CNTN5: variants seen among roughly 807,000 people sequenced by gnomAD.
CNTN5 encodes the protein contactin 5, also known as contactin-5.
A neutral mutation model predicts 129.1 loss-of-function variants in CNTN5; 77 were observed. The observed-to-expected ratio is 0.60, with a 90% CI of 0.50 to 0.72. The LOEUF (loss-of-function observed/expected upper bound fraction) is 0.72, where lower values mean the gene tolerates loss of function less well. CNTN5 is among the 30% of genes least tolerant of loss of function. CNTN5 has a pLI of 0.00. For synonymous variants in CNTN5, 509 were observed against 465.6 expected, an observed-to-expected ratio of 1.09 and a Z score of -1.20; for missense variants, 1,478 against 1,328.8, an observed-to-expected ratio of 1.11 and a Z score of -1.75.
chr11:99,962,805 C>T (rs997333594), intron 8 of CNTN5, among the ~76,000 whole-genome samples: 1 of 151,882 alleles, frequency 6.6e-6, no homozygotes, highest in Non-Finnish European at 1.5e-5. Context: ...TTCTCCACAT[C>T]ATCTGCAGCA....
chr11:99,490,866 A>T (rs1416848767), intron 2 of CNTN5, among the ~76,000 whole-genome samples: 1 of 152,080 alleles, frequency 6.6e-6, no homozygotes, highest in African/African-American at 2.4e-5. Flanking sequence ...ATCCTTAGGG[A>T]ATCCTCTGGG....
intron 1 of CNTN5, among the ~76,000 whole-genome samples, chr11:99,321,035 T>G (rs1865548087): frequency 6.6e-6 from 1 of 152,130 alleles, no homozygotes; most frequent in Non-Finnish European, 1.5e-5. Context: ...TGTTTTTTTG[T>G]TTTTCTTTTC....
chr11:99,261,093 A>G (rs1453727831), intron 1 of CNTN5, among the ~76,000 whole-genome samples: 1 of 151,660 alleles, frequency 6.6e-6, no homozygotes, highest in Non-Finnish European at 1.5e-5. Context: ...TCAACCAGTA[A>G]AAAAAATGCA....
chr11:99,863,670 A>G (rs916651238), intron 6 of CNTN5, among the ~76,000 whole-genome samples: 2 of 152,208 alleles, frequency 1.3e-5, no homozygotes, highest in East Asian at 3.8e-4. Context: ...CAAATATTCT[A>G]CTTTAGTTCA....
At chr11:100,173,426 G>A (rs1241601595) in intron 13 of CNTN5, among the ~76,000 whole-genome samples, 2 of 152,084 alleles carry the variant, frequency 1.3e-5, no homozygotes, top group Non-Finnish European at 2.9e-5. Flanking sequence ...CAGACTTGCC[G>A]ATTAGCTCTT....
At position 100,297,695 on chromosome 11, in the gene CNTN5, G is replaced by A. The variant is rs747329789; in HGVS notation, c.2385G>A (p.Glu795=). Residue 795 remains glutamate (E), a splice_region_variant and synonymous_variant, in exon 19 of 25, where the codon GAG becomes GAA. Transcript: ENST00000524871. ...GRRHELVIAW[E]PVSEEFQNGE... is the part of the protein sequence containing the mutation. ...GGCATGAGTTAGTCATTGCCTGGGA[G>A]GTAAGAAAAACACATCCTCTCACAA... 6.3e-6 allele frequency: 10 copies of A among 1,594,210 alleles called. No individual in the cohort carries two copies. Among genetic ancestry groups the A allele is most frequent in the Non-Finnish European group, 8.6e-6 (10 of 1,168,042 alleles).
chr11:99,810,383 G>T (rs1946394188), intron 3 of CNTN5, among the ~76,000 whole-genome samples: 1 of 152,088 alleles, frequency 6.6e-6, no homozygotes, highest in Non-Finnish European at 1.5e-5. Flanking sequence ...TACCAGGAAT[G>T]CAGTGCCGTT....
chr11:99,096,807 A>T (rs1454841664), intron 1 of CNTN5, among the ~76,000 whole-genome samples: 1 of 151,756 alleles, frequency 6.6e-6, no homozygotes, highest in Non-Finnish European at 1.5e-5. Context: ...TCTCGCTGTC[A>T]TACTGCTTGC....
intron 13 of CNTN5, among the ~76,000 whole-genome samples, chr11:100,138,466 G>A (rs1440196661): frequency 6.6e-6 from 1 of 151,922 alleles, no homozygotes; most frequent in East Asian, 1.9e-4. Context: ...TGTGTTAAGT[G>A]CAATGGAGAA....
At chr11:99,971,235 C>A (rs1591503841) in intron 8 of CNTN5, among the ~76,000 whole-genome samples, 1 of 152,046 alleles carries the variant, frequency 6.6e-6, no homozygotes, top group South Asian at 2.1e-4. Context: ...ATTTTATTCA[C>A]CCTTTCTCAT....
intron 12 of CNTN5, 71 bp from the exon 13 acceptor site, chr11:100,074,073 T>G: frequency 7.2e-7 from 1 of 1,382,770 alleles, no homozygotes; most frequent in Non-Finnish European, 9.9e-7. Flanking sequence ...AGTTACAAGA[T>G]CTTCATGAAT....
At chr11:100,205,477 A>T (rs1948893689) in intron 15 of CNTN5, among the ~76,000 whole-genome samples, 1 of 152,058 alleles carries the variant, frequency 6.6e-6, no homozygotes, top group Non-Finnish European at 1.5e-5. Context: ...TCCTTTTTCC[A>T]TCTGGTATCC....
chr11:99,304,166 C>G (rs1335126494), intron 1 of CNTN5, among the ~76,000 whole-genome samples: 4 of 152,076 alleles, frequency 2.6e-5, no homozygotes, highest in Admixed American at 1.3e-4. Flanking sequence ...TTATGTTTGT[C>G]TTTGAAGTGC....
Position 100,285,616 on chromosome 11 carries a change from C to T in CNTN5, c.2315-12009C>T, listed in dbSNP as rs538059318. 2.5e-4 allele frequency among the ~76,000 whole-genome samples: 38 copies of T among 152,348 alleles called. No individual in the cohort carries two copies. In the South Asian group the frequency reaches 7.7e-3, roughly 31 times the overall value. ...TGTTGAATGAAAGACTATGCTAACA[C>T]ATTTTTCCACACATTCAAATGTCTT... On this transcript the variant is annotated intron_variant, in intron 18 of 24. Transcript: ENST00000524871.
intron 1 of CNTN5, among the ~76,000 whole-genome samples, chr11:99,185,214 G>T (rs147171534): frequency 6.6e-6 from 1 of 151,852 alleles, no homozygotes; most frequent in Admixed American, 6.6e-5. Context: ...TGTAGAGAGG[G>T]TGAGCATAGG....
At chr11:99,953,637 G>A (rs1950727758) in intron 7 of CNTN5, among the ~76,000 whole-genome samples, 1 of 1,692 alleles carries the variant, frequency 5.9e-4, no homozygotes. Context: ...GAGGATGAAT[G>A]ATCATGCCAA....
intron 3 of CNTN5, among the ~76,000 whole-genome samples, chr11:99,735,319 T>C (rs189603506): frequency 6.6e-6 from 1 of 152,352 alleles, no homozygotes; most frequent in Admixed American, 6.5e-5. Context: ...TTAACTCCTC[T>C]ACTTTGATAT....
At chr11:99,307,288 A>AT (rs575617274) in intron 1 of CNTN5, among the ~76,000 whole-genome samples, 18 of 151,404 alleles carry the variant, frequency 1.2e-4, no homozygotes, top group South Asian at 4.2e-4. Flanking sequence ...GTCTCACAGT[A>AT]TTTTTTTTTC....
intron 24 of CNTN5, among the ~76,000 whole-genome samples, chr11:100,352,516 C>A (rs1445040039): frequency 6.6e-6 from 1 of 151,516 alleles, no homozygotes; most frequent in Non-Finnish European, 1.5e-5. Flanking sequence ...AACAATAAAG[C>A]AAGAATGATA....
Sources: gnomAD v4.1 joint callset for allele counts (sites outside exome capture counted in the v4.1 genomes callset) on GRCh38, gnomAD v4.1.1 for gene constraint, MANE v1.5 for transcripts, NCBI Gene and HGNC (gene_info 2026-07-23, HGNC 2026-07-21) for gene names.